ATRX: variants seen among roughly 807,000 people sequenced by gnomAD.
The protein encoded by ATRX is chromatin remodeler ATRX.
ATRX carries 12 observed loss-of-function variants against 172.6 expected under a neutral mutation model. That is an observed-to-expected ratio of 0.07 (90% CI 0.04 to 0.11). The LOEUF is 0.11. Ranked by LOEUF, ATRX falls within the 10% of genes least tolerant of loss-of-function variation. ATRX has a pLI of 1.00. For synonymous variants in ATRX, 674 were observed against 594.7 expected (o/e 1.13, Z -1.94); for missense variants, 1,368 against 1,767.4 (o/e 0.77, Z 4.05).
At chrX:77,755,877 CCTT>C (rs2075472951) in intron 1 of ATRX, among the ~76,000 whole-genome samples, 1 of 112,287 alleles carries the variant, frequency 8.9e-6, no homozygotes, top group Non-Finnish European at 1.9e-5. Context: ...GGAGAATCCT[CCTT>C]GTCAGGATCC....
intron 30 of ATRX, among the ~76,000 whole-genome samples, chrX:77,550,161 C>T (rs1368459399): frequency 9.0e-6 from 1 of 111,315 alleles, no homozygotes; most frequent in African/African-American, 3.3e-5. Flanking sequence ...AAAAGTAAGT[C>T]TAATTCCAAC....
At chrX:77,560,061 T>C (rs1465442245) in intron 28 of ATRX, among the ~76,000 whole-genome samples, 2 of 111,699 alleles carry the variant, frequency 1.8e-5, no homozygotes, top group Non-Finnish European at 3.8e-5. Flanking sequence ...TGTATGTAAG[T>C]AAGTAAGAAT....
chrX:77,516,528 A>G (rs1444146950), intron 34 of ATRX, among the ~76,000 whole-genome samples: 2 of 111,999 alleles, frequency 1.8e-5, no homozygotes, highest in East Asian at 2.8e-4. Context: ...CAATTCAGCA[A>G]CAAGATACAA....
chrX:77,507,666 AG>A lies in ATRX; in HGVS notation c.*684del, dbSNP rs1273523656. 2.9e-5 allele frequency: 5 copies of A among 174,240 alleles called. No individual in the cohort carries two copies. The highest frequency in any genetic ancestry group is 4.4e-5 in the Non-Finnish European group (4 of 91,220). The allele number at this position is 174,240 out of a possible 1,213,427, so 14.4% of individuals were successfully genotyped here. On this transcript the variant is annotated 3_prime_UTR_variant, in exon 35 of 35. Coordinates refer to ENST00000373344, the MANE Select transcript of ATRX (RefSeq NM_000489.6). ...ATGGCAGAAGGACTAAAGAAGAAAAAGGAATTCTCTTCTTAGGCTATACTTA... is the reference window on the plus strand; with the variant it reads ...ATGGCAGAAGGACTAAAGAAGAAAAAGAATTCTCTTCTTAGGCTATACTTA...
At chrX:77,522,115 C>G in intron 32 of ATRX, 148 bp downstream of exon 32, 1 of 755,787 alleles carries the variant, frequency 1.3e-6, no homozygotes, top group African/African-American at 2.1e-5. Flanking sequence ...TGGTTCAAAA[C>G]GGTCAACAAA....
chrX:77,531,747 C>T (rs2063583332), intron 30 of ATRX, among the ~76,000 whole-genome samples: 1 of 111,754 alleles, frequency 8.9e-6, no homozygotes, highest in South Asian at 3.8e-4. Context: ...TCTCTCACCA[C>T]TCCTATTCAA....
intron 10 of ATRX, among the ~76,000 whole-genome samples, chrX:77,671,766 CTT>C (rs1457707483): frequency 1.5e-4 from 17 of 110,987 alleles, no homozygotes; most frequent in Admixed American, 4.8e-4. Context: ...TCCTTTTTCT[CTT>C]TTTCTTTTTT....
At chrX:77,741,909 A>T (rs1175010012) in intron 1 of ATRX, among the ~76,000 whole-genome samples, 1 of 112,226 alleles carries the variant, frequency 8.9e-6, no homozygotes, top group Non-Finnish European at 1.9e-5. Context: ...TTTTCTGCTA[A>T]GAGTTTTATA....
intron 1 of ATRX, among the ~76,000 whole-genome samples, chrX:77,727,133 C>T (rs781879483): frequency 1.8e-5 from 2 of 111,233 alleles, no homozygotes; most frequent in East Asian, 5.7e-4. Context: ...CAATGAGATA[C>T]CATCTCATGC....
At chrX:77,624,058 T>A (rs2148290384) in intron 19 of ATRX, among the ~76,000 whole-genome samples, 1 of 111,417 alleles carries the variant, frequency 9.0e-6, no homozygotes, top group Non-Finnish European at 1.9e-5. Context: ...GCCAGAGCAA[T>A]CAGACGAAAG....
intron 21 of ATRX, among the ~76,000 whole-genome samples, 191 bp from the exon 22 acceptor site, chrX:77,616,921 T>C (rs2067378502): frequency 8.9e-6 from 1 of 111,930 alleles, no homozygotes; most frequent in Admixed American, 9.5e-5. Flanking sequence ...CATATGACTA[T>C]ACAATATGGT....
intron 1 of ATRX, among the ~76,000 whole-genome samples, chrX:77,771,232 C>T (rs781860651): frequency 5.6e-4 from 61 of 109,789 alleles, no homozygotes; most frequent in African/African-American, 1.9e-3. Context: ...CAAAATTAGC[C>T]GGAAGTGGTG....
intron 14 of ATRX, among the ~76,000 whole-genome samples, chrX:77,652,982 C>T (rs1478169979): frequency 9.7e-6 from 1 of 102,740 alleles, no homozygotes; most frequent in African/African-American, 3.6e-5. Context: ...TGCCACTTCC[C>T]ACTCATTAGG....
intron 22 of ATRX, among the ~76,000 whole-genome samples, chrX:77,601,916 C>G (rs2066692176): frequency 8.9e-6 from 1 of 112,128 alleles, no homozygotes; most frequent in Non-Finnish European, 1.9e-5. Context: ...TACAGCTGTT[C>G]ACAATATTCA....
chrX:77,595,685 C>T (rs1557083527), intron 25 of ATRX: 1 of 111,251 alleles, frequency 9.0e-6, no homozygotes, highest in Admixed American at 9.6e-5. Flanking sequence ...TCAAGACTAG[C>T]ATCTCCCTAG....
intron 1 of ATRX, among the ~76,000 whole-genome samples, chrX:77,727,001 C>T (rs1557173472): frequency 9.0e-6 from 1 of 110,596 alleles, no homozygotes; most frequent in African/African-American, 3.3e-5. Context: ...AACAAATAAC[C>T]CTATCAAAAA....
intron 1 of ATRX, among the ~76,000 whole-genome samples, chrX:77,749,448 T>G (rs911671196): frequency 1.8e-4 from 20 of 111,349 alleles, no homozygotes; most frequent in Admixed American, 9.6e-4. Flanking sequence ...ACATAATAAT[T>G]TATTTCCTTT....
At chrX:77,658,623 A>G (rs1394821225) in intron 12 of ATRX, among the ~76,000 whole-genome samples, 2 of 112,202 alleles carry the variant, frequency 1.8e-5, no homozygotes, top group African/African-American at 6.5e-5. Context: ...TCTCTGTTGC[A>G]ACTACTCATC....
At chrX:77,763,925 G>A (rs1243601057) in intron 1 of ATRX, among the ~76,000 whole-genome samples, 1 of 108,972 alleles carries the variant, frequency 9.2e-6, no homozygotes, top group Non-Finnish European at 1.9e-5. Flanking sequence ...ACCAGCCTGG[G>A]CAACAAGGTG....
Sources: gnomAD v4.1 joint callset for allele counts (sites outside exome capture counted in the v4.1 genomes callset) on GRCh38, gnomAD v4.1.1 for gene constraint, MANE v1.5 for transcripts, NCBI Gene and HGNC (gene_info 2026-07-23, HGNC 2026-07-21) for gene names.